Variants in WDR4 observed in about 807,000 individuals in gnomAD.
WDR4 encodes the protein tRNA (guanine-N(7)-)-methyltransferase non-catalytic subunit WDR4.
In WDR4, 47 loss-of-function variants were observed where a neutral mutation model predicts 48.6. That is an observed-to-expected ratio of 0.97 (90% CI 0.77 to 1.23). The LOEUF (loss-of-function observed/expected upper bound fraction) is 1.23. Among genes scored for constraint, WDR4 ranks in the 50% most tolerant of loss-of-function variants. The pLI is 0.00. For synonymous variants in WDR4, 268 were observed against 230.0 expected, an observed-to-expected ratio of 1.17 and a Z score of -1.49; for missense variants, 606 against 551.6, an observed-to-expected ratio of 1.10 and a Z score of -0.99.
intron 6 of WDR4, among the ~76,000 whole-genome samples, chr21:42,858,654 T>C (rs927300897): frequency 7.9e-5 from 12 of 152,106 alleles, no homozygotes; most frequent in African/African-American, 2.7e-4. Flanking sequence ...GTGGAAGATT[T>C]TCCTCATATT....
At chr21:42,877,959 G>A (rs1362010600) in intron 1 of WDR4, among the ~76,000 whole-genome samples, 6 of 151,556 alleles carry the variant, frequency 4.0e-5, no homozygotes, top group African/African-American at 1.5e-4. Context: ...GCAGGAGAAT[G>A]GCGTGAACCC....
chr21:42,876,210 A>C, intron 2 of WDR4, among the ~76,000 whole-genome samples: 1 of 64,644 alleles, frequency 1.5e-5, no homozygotes, highest in African/African-American at 8.1e-5. Flanking sequence ...CGGCACTAAC[A>C]CTGTACTCTT....
Position 42,862,311 on chromosome 21 carries a change from G to C in WDR4, c.537C>G (p.Ser179Arg). Residue 179 changes from serine (S) to arginine (R), a missense_variant, in exon 5 of 11, where the codon AGC (serine) becomes AGG (arginine). Coordinates refer to ENST00000398208, the MANE Select transcript of WDR4 (RefSeq NM_018669.6). This position sits in a 1 kb window ranked among gnomAD's most constrained non-coding sequence, Gnocchi z 4.3. ...TGTGCCCCAAGCAGAAGGACTCGAT[G>C]CTATGGGGCGCCGCGGCCCAGCTGA... ...IRVSWAAAPH[S>R]IESFCLGHTE... The C allele has an allele frequency of 6.2e-7, 1 of 1,611,084 alleles. No homozygotes were observed. The highest frequency in any genetic ancestry group is 8.5e-7 in the Non-Finnish European group (1 of 1,179,018).
At position 42,852,314 on chromosome 21, in the gene WDR4, T is replaced by A. The variant is rs1187710585; in HGVS notation, c.986A>T (p.Glu329Val). 6.2e-7 allele frequency: 1 copy of A among 1,614,082 alleles called. No homozygotes were observed. Among genetic ancestry groups the A allele is most frequent in the South Asian group, 1.1e-5 (1 of 91,050 alleles). Reference protein sequence around the residue: ...PVGDQWQSVPESTVLKKVSGV... With the variant: ...PVGDQWQSVPVSTVLKKVSGV... ...AGAGACTTTCTTTAACACGGTGCTC[T>A]CAGGAACAGACTGCAGGCGACAAAC... The change falls in exon 10 of 11, where the codon GAG (glutamate) becomes GTG (valine). Residue 329 changes from glutamate (E) to valine (V), a missense_variant. Transcript: ENST00000398208.
At chr21:42,877,964 G>C (rs1289743789) in intron 1 of WDR4, among the ~76,000 whole-genome samples, 1 of 147,620 alleles carries the variant, frequency 6.8e-6, no homozygotes, top group Non-Finnish European at 1.5e-5. Flanking sequence ...AGAATGGCGT[G>C]AACCCGGGAG....
Position 42,864,062 on chromosome 21 carries a change from C to A in WDR4, c.297-466G>T, listed in dbSNP as rs7281119. Among the ~76,000 whole-genome samples, 11 of 63,268 alleles carry A rather than the reference C, an allele frequency of 1.7e-4. 1 individual carries two copies. The highest frequency in any genetic ancestry group is 2.0e-4 in the Non-Finnish European group (7 of 35,168). The allele number at this position is 63,268 out of a possible 152,430, so 41.5% of individuals were successfully genotyped here. The stretch of plus-strand genomic sequence containing the variant: ...GCGGAGCTTGCAGTGAGCCGAGATC[C>A]CGCCACCGCACTCCAGCCTGGGGCG... On this transcript the variant is annotated intron_variant, in intron 3 of 10. Coordinates refer to ENST00000398208, the MANE Select transcript of WDR4 (RefSeq NM_018669.6).
At chr21:42,863,934 C>T (rs1197119208) in intron 3 of WDR4, among the ~76,000 whole-genome samples, 1 of 91,484 alleles carries the variant, frequency 1.1e-5, no homozygotes, top group African/African-American at 7.1e-5. Flanking sequence ...GTGAAAACCC[C>T]GTCTCTACTA....
At chr21:42,853,795 C>A in intron 8 of WDR4, 43 bp from the exon 9 acceptor site, 1 of 1,522,918 alleles carries the variant, frequency 6.6e-7, no homozygotes, top group South Asian at 1.2e-5. Context: ...GACTGCAGGC[C>A]CACGGGCTCC....
chr21:42,847,541 C>CCGCGGTCCTGGTGGAGAGA (rs1476781392), downstream of WDR4, among the ~76,000 whole-genome samples: 25 of 152,306 alleles, frequency 1.6e-4, no homozygotes, highest in African/African-American at 6.0e-4. Context: ...CAGAGTAGCC[C>CCGCGGTCCTGGTGGAGAGA]CGCGGTCCTG....
At chr21:42,866,983 G>C (rs769926782) in intron 3 of WDR4, among the ~76,000 whole-genome samples, 5 of 152,144 alleles carry the variant, frequency 3.3e-5, no homozygotes, top group Admixed American at 2.0e-4. Flanking sequence ...CCACACCATC[G>C]AGGCGGGATT....
At chr21:42,843,577 ATTTTTTTTT>A (rs75596094) in intron 11 of WDR4, among the ~76,000 whole-genome samples, 1 of 142,768 alleles carries the variant, frequency 7.0e-6, no homozygotes, top group Non-Finnish European at 1.5e-5. Flanking sequence ...CACCTGGCTA[ATTTTTTTTT>A]TTTTTAAGAC....
chr21:42,861,235 A>C (rs1317626741), intron 5 of WDR4, among the ~76,000 whole-genome samples: 1 of 150,350 alleles, frequency 6.7e-6, no homozygotes, highest in Non-Finnish European at 1.5e-5. Context: ...AATCGCTTGA[A>C]CCTGGAAGGC....
chr21:42,859,753 GC>G (rs761360898), intron 5 of WDR4, 31 bp from the exon 6 acceptor site: 11 of 1,552,110 alleles, frequency 7.1e-6, no homozygotes, highest in Non-Finnish European at 9.6e-6. Flanking sequence ...GGCAGAGTCA[GC>G]GAGCCCAGCG....
At position 42,863,428 on chromosome 21, in the gene WDR4, T is replaced by A; in HGVS notation, c.453+12A>T. 4 of 1,595,872 alleles carry A rather than the reference T, an allele frequency of 2.5e-6. No individual in the cohort carries two copies. Among genetic ancestry groups the A allele is most frequent in the Non-Finnish European group, 3.4e-6 (4 of 1,168,722 alleles). On this transcript the variant is annotated intron_variant, in intron 4 of 10. Coordinates refer to ENST00000398208, the MANE Select transcript of WDR4 (RefSeq NM_018669.6). ...CCTGCCATGTCCCCCACCTACCACG[T>A]CCCCCACCTACCACATCTAACAGCA...
intron 6 of WDR4, 93 bp downstream of exon 6, chr21:42,859,569 C>CGATCCACAGGGGCCAGA: frequency 7.3e-7 from 1 of 1,372,200 alleles, no homozygotes; most frequent in Non-Finnish European, 1.0e-6. Context: ...CAGGGGCCAG[C>CGATCCACAGGGGCCAGA]GATCCACAGG....
intron 1 of WDR4, among the ~76,000 whole-genome samples, chr21:42,878,179 A>C (rs957277760): frequency 6.6e-6 from 1 of 152,212 alleles, no homozygotes; most frequent in African/African-American, 2.4e-5. Flanking sequence ...CCATGACCCC[A>C]GGCACTTACC....
chr21:42,879,366 C>T (rs763974726), intron 1 of WDR4, 41 bp downstream of exon 1: 1 of 1,601,566 alleles, frequency 6.2e-7, no homozygotes, highest in Non-Finnish European at 8.5e-7. Flanking sequence ...GACGCGCGCC[C>T]GCAGCCTGGT....
At chr21:42,892,742 G>T in the WDR4 span, among the ~76,000 whole-genome samples, 1 of 152,182 alleles carries the variant, frequency 6.6e-6, no homozygotes, top group Admixed American at 6.6e-5. Flanking sequence ...ATTTCCAATC[G>T]GCCTAACTCT....
chr21:42,861,381 GAAGTT>G (rs2058114027), intron 5 of WDR4, among the ~76,000 whole-genome samples: 1 of 151,950 alleles, frequency 6.6e-6, no homozygotes, highest in Admixed American at 6.6e-5. Flanking sequence ...GGGAGCAGTT[GAAGTT>G]AATTTTAATA....
Sources: allele counts gnomAD v4.1 joint callset (sites outside exome capture counted in the v4.1 genomes callset), GRCh38; gene constraint gnomAD v4.1.1; non-coding constraint Gnocchi (gnomAD v3.1); transcripts MANE v1.5; gene names NCBI Gene and HGNC (gene_info 2026-07-23, HGNC 2026-07-21).